TRDN: variants seen among roughly 807,000 people sequenced by gnomAD.
TRDN encodes triadin in skeletal muscle.
A neutral mutation model predicts 149.7 loss-of-function variants in TRDN; 161 were observed. The ratio of observed to expected loss-of-function variants is 1.08; its 90% CI spans 0.95 to 1.23. The LOEUF (loss-of-function observed/expected upper bound fraction) is 1.23, where lower values mean the gene tolerates loss of function less well. Among genes scored for constraint, TRDN ranks in the 50% most tolerant of loss-of-function variants. TRDN has a pLI of 0.00. For synonymous variants in TRDN, 294 were observed against 250.5 expected (o/e 1.17, Z -1.64); for missense variants, 896 against 823.5 (o/e 1.09, Z -1.08).
intron 1 of TRDN, 71 bp downstream of exon 1, chr6:123,636,683 A>G: frequency 6.4e-7 from 1 of 1,555,206 alleles, no homozygotes; most frequent in Non-Finnish European, 8.9e-7. Flanking sequence ...GGACACATCG[A>G]CAGTTAATGT....
At chr6:123,265,272 A>C (rs1582795693) in intron 33 of TRDN, 46 bp downstream of exon 33, 1 of 1,354,904 alleles carries the variant, frequency 7.4e-7, no homozygotes, top group African/African-American at 1.5e-5. Context: ...GTGAAATTAA[A>C]ACAATGAAAT....
intron 19 of TRDN, among the ~76,000 whole-genome samples, chr6:123,370,760 C>A (rs1040295991): frequency 6.6e-6 from 1 of 152,020 alleles, no homozygotes; most frequent in Non-Finnish European, 1.5e-5. Context: ...ATGTAAAATA[C>A]TATCTTGTAC....
intron 10 of TRDN, among the ~76,000 whole-genome samples, chr6:123,463,364 T>G (rs1562327154): frequency 9.1e-6 from 1 of 110,058 alleles, no homozygotes; most frequent in African/African-American, 2.8e-5. Context: ...AAATAATAAA[T>G]AAATAAATAA....
chr6:123,457,759 CAA>C (rs1486044052), intron 10 of TRDN, among the ~76,000 whole-genome samples: 1 of 152,008 alleles, frequency 6.6e-6, no homozygotes, highest in Admixed American at 6.6e-5. Context: ...AAATAAAAAA[CAA>C]GAGTCTAAAA....
At chr6:123,474,279 C>A (rs1484353042) in intron 9 of TRDN, among the ~76,000 whole-genome samples, 4 of 152,022 alleles carry the variant, frequency 2.6e-5, no homozygotes, top group Non-Finnish European at 4.4e-5. Flanking sequence ...CAAAAAAAGG[C>A]AGGGATTGCA....
intron 12 of TRDN, among the ~76,000 whole-genome samples, chr6:123,420,497 T>A (rs1773852875): frequency 1.3e-5 from 2 of 152,180 alleles, no homozygotes; most frequent in South Asian, 4.1e-4. Flanking sequence ...CTGCAATGTG[T>A]TTGAAAAGCT....
chr6:123,516,353 TA>T, intron 5 of TRDN, 147 bp from the exon 6 acceptor site: 1 of 1,000,540 alleles, frequency 1.0e-6, no homozygotes, highest in Non-Finnish European at 1.3e-6. Flanking sequence ...GTTAGAGGTT[TA>T]AACTTCAAGA....
intron 12 of TRDN, among the ~76,000 whole-genome samples, chr6:123,408,695 AT>A (rs1773302163): frequency 6.8e-6 from 1 of 147,350 alleles, no homozygotes. Context: ...AAAAAAAAGA[AT>A]TGTTTGGCAA....
chr6:123,542,399 CA>C (rs1218129592), intron 4 of TRDN, among the ~76,000 whole-genome samples: 1 of 152,084 alleles, frequency 6.6e-6, no homozygotes, highest in African/African-American at 2.4e-5. Context: ...TTCTCCTGTC[CA>C]AAAAACTAAA....
At chr6:123,420,817 AC>A (rs1773865534) in intron 12 of TRDN, among the ~76,000 whole-genome samples, 1 of 152,244 alleles carries the variant, frequency 6.6e-6, no homozygotes. Context: ...TACTTAAGTA[AC>A]AAAGGAACCA....
At chr6:123,235,741 C>T (rs962583155) in intron 38 of TRDN, among the ~76,000 whole-genome samples, 3 of 152,142 alleles carry the variant, frequency 2.0e-5, no homozygotes, top group African/African-American at 7.2e-5. Flanking sequence ...CTGTCCCTAA[C>T]CTTGAGCAAC....
chr6:123,428,931 T>G (rs1036770398), intron 12 of TRDN, among the ~76,000 whole-genome samples: 1 of 152,198 alleles, frequency 6.6e-6, no homozygotes, highest in Non-Finnish European at 1.5e-5. Context: ...TATGGGATTA[T>G]TAAATATTTT....
chr6:123,330,209 T>C (rs1285501124), intron 23 of TRDN, among the ~76,000 whole-genome samples: 1 of 152,104 alleles, frequency 6.6e-6, no homozygotes, highest in East Asian at 1.9e-4. Context: ...TTCCACCTTA[T>C]ATTGGCAAAA....
chr6:123,244,160 A>G (rs1776091905), intron 38 of TRDN, among the ~76,000 whole-genome samples: 2 of 152,206 alleles, frequency 1.3e-5, no homozygotes, highest in Non-Finnish European at 2.9e-5. Context: ...AAAATGCTGA[A>G]AATTCCAAAA....
rs1778752474 is a variant in TRDN at position 123,502,764 on chromosome 6, C to T, written c.793+955G>A. The T allele has an allele frequency of 3.0e-6, 3 of 984,860 alleles. No individual in the cohort carries two copies. In the African/African-American group the frequency reaches 5.2e-5, roughly 17 times the overall value. 61.0% of individuals were successfully genotyped at this position (984,860 alleles called of 1,614,324 possible). A position where few individuals can be genotyped will look rare whatever the true frequency, so the allele number is the denominator to read the frequency against. On this transcript the variant is annotated intron_variant, in intron 8 of 40. Transcript: ENST00000334268. ...GATACAGTCCTTAGATAACATTAGT[C>T]AAAAGTGCTACAAAGTAAAGAAAAA...
At chr6:123,439,118 G>C (rs949833499) in intron 10 of TRDN, 115 bp from the exon 11 acceptor site, 3 of 713,810 alleles carry the variant, frequency 4.2e-6, no homozygotes, top group Non-Finnish European at 6.9e-6. Flanking sequence ...CTTTGTGACT[G>C]AGCAAGTAAT....
At chr6:123,401,480 G>A (rs1241467232) in intron 12 of TRDN, among the ~76,000 whole-genome samples, 1 of 152,138 alleles carries the variant, frequency 6.6e-6, no homozygotes, top group East Asian at 1.9e-4. Flanking sequence ...TTACTCTTCT[G>A]TATTTATTGC....
At chr6:123,314,016 C>G (rs1041139879) in intron 24 of TRDN, among the ~76,000 whole-genome samples, 1 of 151,948 alleles carries the variant, frequency 6.6e-6, no homozygotes, top group East Asian at 1.9e-4. Context: ...ATTAAACCAA[C>G]GAGCTTCTGC....
intron 2 of TRDN, among the ~76,000 whole-genome samples, chr6:123,564,556 T>G (rs1435930184): frequency 6.6e-6 from 1 of 152,174 alleles, no homozygotes; most frequent in Non-Finnish European, 1.5e-5. Context: ...AGAAAAAAAG[T>G]CAGGAAAATT....
Sources: gnomAD v4.1 joint callset for allele counts (sites outside exome capture counted in the v4.1 genomes callset) on GRCh38, gnomAD v4.1.1 for gene constraint, MANE v1.5 for transcripts, NCBI Gene and HGNC (gene_info 2026-07-23, HGNC 2026-07-21) for gene names.